The following PHACTR1 variants were observed in gnomAD, a reference collection of about 807,000 sequenced individuals.
The protein encoded by PHACTR1 is RPEL repeat containing 1.
A neutral mutation model predicts 69.2 loss-of-function variants in PHACTR1; 16 were observed. The ratio of observed to expected loss-of-function variants is 0.23; its 90% confidence interval spans 0.16 to 0.35. The LOEUF (loss-of-function observed/expected upper bound fraction) is 0.35, where lower values mean the gene tolerates loss of function less well. Ranked by LOEUF, PHACTR1 falls within the 10% of genes least tolerant of loss-of-function variation. The pLI is 1.00. For synonymous variants in PHACTR1, 312 were observed against 284.5 expected, an observed-to-expected ratio of 1.10 and a Z score of -0.97; for missense variants, 510 against 734.7, an observed-to-expected ratio of 0.69 and a Z score of 3.54.
At chr6:13,096,062 A>T (rs1352989683) in intron 5 of PHACTR1, among the ~76,000 whole-genome samples, 1 of 151,916 alleles carries the variant, frequency 6.6e-6, no homozygotes, top group African/African-American at 2.4e-5. Context: ...TGTTTTTTTA[A>T]CCACATCCCC....
At chr6:13,045,874 G>A (rs546034353) in intron 4 of PHACTR1, among the ~76,000 whole-genome samples, 1 of 152,342 alleles carries the variant, frequency 6.6e-6, no homozygotes, top group South Asian at 2.1e-4. Flanking sequence ...CTCTGTAGAA[G>A]CCAGAGACAA....
chr6:12,929,959 C>T (rs926711774), intron 4 of PHACTR1, among the ~76,000 whole-genome samples: 1 of 152,048 alleles, frequency 6.6e-6, no homozygotes, highest in Non-Finnish European at 1.5e-5. Context: ...TTTTTTGCAC[C>T]ACTTTTTTTA....
At chr6:13,066,384 G>A (rs1450198610) in intron 5 of PHACTR1, among the ~76,000 whole-genome samples, 2 of 152,198 alleles carry the variant, frequency 1.3e-5, no homozygotes, top group East Asian at 1.9e-4. Context: ...ATCTGAAAGA[G>A]GAGAGGAGGT....
intron 5 of PHACTR1, among the ~76,000 whole-genome samples, chr6:13,145,513 T>C (rs1230496234): frequency 6.6e-6 from 1 of 152,218 alleles, no homozygotes; most frequent in Non-Finnish European, 1.5e-5. Context: ...TGTTATAGAC[T>C]GAATGTTTGT....
At chr6:13,162,131 C>A (rs1459157557) in intron 6 of PHACTR1, among the ~76,000 whole-genome samples, 3 of 151,964 alleles carry the variant, frequency 2.0e-5, no homozygotes, top group Non-Finnish European at 4.4e-5. Context: ...ACAGAGCCTC[C>A]CTCTGTCGCC....
chr6:12,813,785 A>G (rs1375150049), intron 4 of PHACTR1, among the ~76,000 whole-genome samples: 1 of 152,232 alleles, frequency 6.6e-6, no homozygotes, highest in Non-Finnish European at 1.5e-5. Flanking sequence ...CTAGTGCTCT[A>G]GAGGTTCAGA....
chr6:12,839,764 A>G (rs1031588485), intron 4 of PHACTR1, among the ~76,000 whole-genome samples: 1 of 152,180 alleles, frequency 6.6e-6, no homozygotes, highest in Non-Finnish European at 1.5e-5. Context: ...AAGTAAGATC[A>G]ATTGTCTATG....
At chr6:13,141,562 A>AGC (rs1267871412) in intron 5 of PHACTR1, among the ~76,000 whole-genome samples, 1 of 152,156 alleles carries the variant, frequency 6.6e-6, no homozygotes, top group Non-Finnish European at 1.5e-5. Context: ...CATTTAAGGA[A>AGC]GCAGTGTGCT....
chr6:13,036,110 A>G (rs1225080697), intron 4 of PHACTR1, among the ~76,000 whole-genome samples: 2 of 151,168 alleles, frequency 1.3e-5, no homozygotes, highest in Non-Finnish European at 3.0e-5. Flanking sequence ...GCTGACAGTG[A>G]TGGGATTAAA....
intron 3 of PHACTR1, among the ~76,000 whole-genome samples, chr6:12,740,039 A>G (rs952804909): frequency 7.2e-5 from 11 of 152,202 alleles, no homozygotes; most frequent in African/African-American, 2.7e-4. Flanking sequence ...ATTATGGTAT[A>G]TGAGATTTGC....
At chr6:13,133,991 C>G (rs972177743) in intron 5 of PHACTR1, among the ~76,000 whole-genome samples, 1 of 151,880 alleles carries the variant, frequency 6.6e-6, no homozygotes, top group Non-Finnish European at 1.5e-5. Flanking sequence ...GCCGCGACTC[C>G]GTCTGGGAAC....
chr6:13,050,640 A>C (rs934965736), intron 4 of PHACTR1, among the ~76,000 whole-genome samples: 3 of 152,168 alleles, frequency 2.0e-5, no homozygotes, highest in African/African-American at 7.2e-5. Context: ...CTACCTTGGC[A>C]AATTTCCTCT....
Position 13,002,213 on chromosome 6 carries a change from T to C in PHACTR1, c.251-51152T>C, listed in dbSNP as rs73366215. On this transcript the variant is annotated intron_variant, in intron 4 of 14. Transcript: ENST00000332995. ...TCAGCAAACAACACTCTGTCTCAGGTAAAGGCAAAAATGCCTGCTCTATTA... is the reference window on the plus strand; with the variant it reads ...TCAGCAAACAACACTCTGTCTCAGGCAAAGGCAAAAATGCCTGCTCTATTA... Among the ~76,000 whole-genome samples, 1,438 of 152,268 alleles carry C rather than the reference T, an allele frequency of 9.4e-3. 25 individuals carry two copies. The highest frequency in any genetic ancestry group is 0.032 in the African/African-American group (1,347 of 41,540).
chr6:13,286,069 T>C, intron 13 of PHACTR1, 77 bp from the exon 14 acceptor site: 2 of 1,213,748 alleles, frequency 1.6e-6, no homozygotes, highest in African/African-American at 1.6e-5. Context: ...AAAAATATGT[T>C]GTTAGGAATG....
At chr6:13,023,395 T>C (rs1801261460) in intron 4 of PHACTR1, among the ~76,000 whole-genome samples, 1 of 152,260 alleles carries the variant, frequency 6.6e-6, no homozygotes, top group Non-Finnish European at 1.5e-5. Context: ...TGTTTCAATG[T>C]GAACTTTAGA....
At chr6:12,836,880 C>A (rs181275727) in intron 4 of PHACTR1, among the ~76,000 whole-genome samples, 1 of 152,138 alleles carries the variant, frequency 6.6e-6, no homozygotes, top group Non-Finnish European at 1.5e-5. Flanking sequence ...AGGACCCCAC[C>A]AGAAGCTGGC....
At chr6:12,972,848 A>G (rs2127582905) in intron 4 of PHACTR1, among the ~76,000 whole-genome samples, 1 of 152,012 alleles carries the variant, frequency 6.6e-6, no homozygotes, top group Non-Finnish European at 1.5e-5. Flanking sequence ...ACGGGGTTTC[A>G]CCGTATTGAT....
chr6:12,960,009 A>T (rs2127565512), intron 4 of PHACTR1, among the ~76,000 whole-genome samples: 1 of 152,340 alleles, frequency 6.6e-6, no homozygotes, highest in Non-Finnish European at 1.5e-5. Context: ...CAGATTTTGA[A>T]AATTCAGTCT....
At chr6:13,082,601 C>T (rs908267794) in intron 5 of PHACTR1, among the ~76,000 whole-genome samples, 11 of 152,184 alleles carry the variant, frequency 7.2e-5, no homozygotes, top group African/African-American at 2.7e-4. Flanking sequence ...ACAACTTCTC[C>T]AGCACCTGTT....
Sources: allele counts gnomAD v4.1 joint callset (sites outside exome capture counted in the v4.1 genomes callset), GRCh38; gene constraint gnomAD v4.1.1; transcripts MANE v1.5; gene names NCBI Gene and HGNC (gene_info 2026-07-23, HGNC 2026-07-21).